The following LIPJ variants were observed in gnomAD, a reference collection of about 807,000 sequenced individuals.
LIPJ encodes the protein lipase family member J.
In LIPJ, 33 loss-of-function variants were observed where a neutral mutation model predicts 39.8. That is an observed-to-expected ratio of 0.83 (90% CI 0.63 to 1.11). The LOEUF (loss-of-function observed/expected upper bound fraction) is 1.11, where lower values mean the gene tolerates loss of function less well. Ranked by LOEUF, LIPJ falls within the 50% of genes least tolerant of loss-of-function variation. The probability of loss-of-function intolerance (pLI) is 0.00; values close to 1 mark genes in which losing one functional copy is unlikely to be tolerated. For synonymous variants in LIPJ, 128 were observed against 139.2 expected (o/e 0.92, Z 0.57); for missense variants, 422 against 427.9 (o/e 0.99, Z 0.12).
At chr10:88,610,587 A>G (rs1008204212), downstream of LIPJ, among the ~76,000 whole-genome samples, 1 of 152,174 alleles carries the variant, frequency 6.6e-6, no homozygotes, top group Non-Finnish European at 1.5e-5. Flanking sequence ...TACAATTGCC[A>G]AAACAATTTT....
chr10:88,610,555 A>C (rs935600721), downstream of LIPJ, among the ~76,000 whole-genome samples: 2 of 152,160 alleles, frequency 1.3e-5, no homozygotes, highest in African/African-American at 4.8e-5. Flanking sequence ...TTGTTATATT[A>C]ATTCTAAAAT....
At chr10:88,619,480 T>G in the LIPJ span, among the ~76,000 whole-genome samples, 2 of 33,974 alleles carry the variant, frequency 5.9e-5, no homozygotes, top group African/African-American at 2.0e-4. Flanking sequence ...CATATCCCTT[T>G]TGTCTGGTTG....
downstream of LIPJ, among the ~76,000 whole-genome samples, chr10:88,609,972 T>C (rs1851731172): frequency 6.6e-6 from 1 of 150,466 alleles, no homozygotes; most frequent in Non-Finnish European, 1.5e-5. Context: ...CAGCAACATC[T>C]ACTTATTGGG....
intron 8 of LIPJ, among the ~76,000 whole-genome samples, chr10:88,598,189 A>C (rs1041981473): frequency 1.1e-4 from 16 of 152,008 alleles, no homozygotes; most frequent in Admixed American, 4.6e-4. Flanking sequence ...TCTTGAGCCT[A>C]GCAAGATCTG....
exon 5 of LIPJ, chr10:88,594,076 C>T (rs41298235): frequency 0.012 from 18,779 of 1,612,062 alleles, 528 homozygotes; most frequent in South Asian, 0.081. Context: ...TGGGAAATAG[C>T]AGAGGAAATA....
chr10:88,590,095 A>G (rs1456607995), intron 2 of LIPJ, among the ~76,000 whole-genome samples: 1 of 151,734 alleles, frequency 6.6e-6, no homozygotes, highest in Non-Finnish European at 1.5e-5. Context: ...AGAATTTAGG[A>G]GACTCAAAAA....
At chr10:88,594,368 T>C (rs915539160) in intron 5 of LIPJ, 3 of 526,836 alleles carry the variant, frequency 5.7e-6, no homozygotes, top group Non-Finnish European at 1.0e-5. Flanking sequence ...CTTAGTACCT[T>C]ACTGACCAAC....
chr10:88,608,721 T>C (rs1488592939), downstream of LIPJ, among the ~76,000 whole-genome samples: 1 of 152,236 alleles, frequency 6.6e-6, no homozygotes, highest in Non-Finnish European at 1.5e-5. Flanking sequence ...CACATACTTA[T>C]GGACATCTGA....
At chr10:88,619,665 T>C in the LIPJ span, among the ~76,000 whole-genome samples, 1 of 152,146 alleles carries the variant, frequency 6.6e-6, no homozygotes. Flanking sequence ...TCCTCTTGAA[T>C]TCTAAAAAGA....
chr10:88,605,581 C>A, intron 9 of LIPJ, 52 bp from the exon 10 acceptor site: 2 of 1,266,048 alleles, frequency 1.6e-6, no homozygotes, highest in Non-Finnish European at 2.3e-6. Flanking sequence ...ACTTGCTCAG[C>A]TGCCACTGTA....
downstream of LIPJ, among the ~76,000 whole-genome samples, chr10:88,609,335 T>C (rs2134592917): frequency 6.6e-6 from 1 of 152,362 alleles, no homozygotes; most frequent in South Asian, 2.1e-4. Flanking sequence ...AAAATAGTAC[T>C]GAGAATAGAT....
the LIPJ span, among the ~76,000 whole-genome samples, chr10:88,613,800 A>ATATATATATATATGTGTGTGTGTGTG: frequency 5.4e-5 from 4 of 74,154 alleles, no homozygotes; most frequent in African/African-American, 9.6e-5. Flanking sequence ...ATATATATAT[A>ATATATATATATATGTGTGTGTGTGTG]TGTGTGTGTG....
intron 8 of LIPJ, among the ~76,000 whole-genome samples, chr10:88,602,041 G>A (rs1407172649): frequency 6.6e-6 from 1 of 152,040 alleles, no homozygotes; most frequent in Non-Finnish European, 1.5e-5. Flanking sequence ...TAGAATTTGA[G>A]GCCCTTATGG....
At chr10:88,605,850 T>A in intron 10 of LIPJ, 146 bp downstream of exon 10, 1 of 598,106 alleles carries the variant, frequency 1.7e-6, no homozygotes, top group Non-Finnish European at 2.9e-6. Context: ...TTTGGATACG[T>A]ATTGTCACAT....
the LIPJ span, among the ~76,000 whole-genome samples, chr10:88,620,164 G>A: frequency 6.6e-6 from 1 of 151,614 alleles, no homozygotes; most frequent in Non-Finnish European, 1.5e-5. Context: ...TTAAAACTGT[G>A]AAAATTATGA....
chr10:88,588,602 C>T (rs1479316812), intron 2 of LIPJ, among the ~76,000 whole-genome samples: 2 of 151,810 alleles, frequency 1.3e-5, no homozygotes, highest in Non-Finnish European at 3.0e-5. Context: ...CTGCCATTTT[C>T]TTGTTTTCAG....
downstream of LIPJ, chr10:88,607,035 A>C: frequency 1.2e-5 from 13 of 1,067,552 alleles, no homozygotes; most frequent in Non-Finnish European, 1.2e-5. Flanking sequence ...CTATATTCTC[A>C]TTGACCTTAG....
At chr10:88,606,306 T>G (rs561344134) in intron 10 of LIPJ, among the ~76,000 whole-genome samples, 3 of 152,264 alleles carry the variant, frequency 2.0e-5, no homozygotes, top group African/African-American at 7.2e-5. Context: ...GAGATCAGAG[T>G]TGACGTGGAC....
At chr10:88,594,113 G>C in exon 5 of LIPJ, 3 of 1,611,200 alleles carry the variant, frequency 1.9e-6, no homozygotes, top group Non-Finnish European at 2.5e-6. Context: ...CTTGTACCTA[G>C]AAACGAGTTC....
Sources: gnomAD v4.1 joint callset for allele counts (sites outside exome capture counted in the v4.1 genomes callset) on GRCh38, gnomAD v4.1.1 for gene constraint, MANE v1.5 for transcripts, NCBI Gene and HGNC (gene_info 2026-07-23, HGNC 2026-07-21) for gene names.